The following FBLN1 variants were observed in gnomAD, a reference collection of about 807,000 sequenced individuals.
FBLN1 encodes the protein fibulin 1, also known as fibulin-1.
In FBLN1, 34 loss-of-function variants were observed where a neutral mutation model predicts 89.7. That is an observed-to-expected ratio of 0.38 (90% confidence interval 0.29 to 0.50). The LOEUF (loss-of-function observed/expected upper bound fraction) is 0.50. Among genes scored for constraint, FBLN1 ranks in the 20% least tolerant of loss-of-function variants. FBLN1 has a pLI of 0.92. For missense variants in FBLN1, 777 were observed against 988.1 expected, an observed-to-expected ratio of 0.79 and a Z score of 2.86; for synonymous variants, 393 against 391.3, an observed-to-expected ratio of 1.00 and a Z score of -0.05.
chr22:45,507,550 C>T (rs551329937), intron 1 of FBLN1, among the ~76,000 whole-genome samples: 5 of 152,140 alleles, frequency 3.3e-5, no homozygotes, highest in South Asian at 4.1e-4. Context: ...ATTTTTGAGA[C>T]GGGGTCTCAC....
At chr22:45,506,224 C>A (rs1242485542) in intron 1 of FBLN1, among the ~76,000 whole-genome samples, 4 of 152,146 alleles carry the variant, frequency 2.6e-5, no homozygotes, top group Admixed American at 2.6e-4. Flanking sequence ...CGCAATTCTG[C>A]CAATACCCCA....
chr22:45,525,393 A>G, intron 2 of FBLN1, 150 bp from the exon 3 acceptor site: 2 of 721,196 alleles, frequency 2.8e-6, no homozygotes, highest in Non-Finnish European at 4.6e-6. Flanking sequence ...CTCCTTCTGT[A>G]TGCCACTGGG....
At chr22:45,521,261 C>A (rs1051788954) in intron 2 of FBLN1, among the ~76,000 whole-genome samples, 1 of 152,184 alleles carries the variant, frequency 6.6e-6, no homozygotes, top group Non-Finnish European at 1.5e-5. Context: ...TCTTTAAGTG[C>A]GGGTGCAAGT....
intron 2 of FBLN1, chr22:45,523,173 G>A (rs760336138): frequency 3.9e-6 from 3 of 778,704 alleles, no homozygotes; most frequent in Admixed American, 3.4e-5. Flanking sequence ...CCAGGCCGAG[G>A]GAACAGCCAG....
At chr22:45,564,976 C>T (rs764953427) in intron 14 of FBLN1, 2 of 1,613,940 alleles carry the variant, frequency 1.2e-6, no homozygotes, top group Non-Finnish European at 1.7e-6. Context: ...TTGGAGGATA[C>T]CCACCTTGAT....
intron 1 of FBLN1, among the ~76,000 whole-genome samples, chr22:45,504,428 A>G (rs1010304792): frequency 2.0e-5 from 3 of 152,064 alleles, no homozygotes; most frequent in Non-Finnish European, 4.4e-5. Flanking sequence ...GGCTCTTTAG[A>G]AGAGATGGAG....
intron 16 of FBLN1, among the ~76,000 whole-genome samples, chr22:45,595,016 C>A (rs2089172791): frequency 1.3e-5 from 2 of 152,290 alleles, no homozygotes; most frequent in Non-Finnish European, 2.9e-5. Context: ...ACCAGCTGAA[C>A]TGTTAAGGTC....
chr22:45,600,341 A>T lies in FBLN1; in HGVS notation c.2007A>T (p.Pro669=), dbSNP rs1920924901. Residue 669 remains proline (P), a synonymous_variant, in exon 17 of 17, where the codon CCA becomes CCT. Coordinates refer to ENST00000327858, the MANE Select transcript of FBLN1 (RefSeq NM_006486.3). ...GCCAGGTGCGGCCCATCGTGGGCCC[A>T]TTTCATGCCGTCCTGAAGCTGGAGA... The part of the protein sequence containing the change: ...VVRQVRPIVG[P]FHAVLKLEMN... The T allele has an allele frequency of 1.2e-6, 2 of 1,614,000 alleles. No homozygotes were observed. The highest frequency in any genetic ancestry group is 1.3e-5 in the African/African-American group (1 of 74,896).
chr22:45,598,350 G>A (rs1238381663), intron 16 of FBLN1, among the ~76,000 whole-genome samples: 2 of 152,222 alleles, frequency 1.3e-5, no homozygotes, highest in African/African-American at 4.8e-5. Context: ...AGAGCCACCT[G>A]TTAGATAGTT....
Position 45,536,228 on chromosome 22 carries a change from A to G in FBLN1, c.922+891A>G, listed in dbSNP as rs2088480723. Reference sequence around the variant, plus strand: ...ACAGTCTGTGTTAGTATTTGAATTCATAGAGACAGAAAGTAGAATGGAAGG... The same window carrying G: ...ACAGTCTGTGTTAGTATTTGAATTCGTAGAGACAGAAAGTAGAATGGAAGG... On this transcript the variant is annotated intron_variant, in intron 8 of 16. Coordinates refer to ENST00000327858, the MANE Select transcript of FBLN1 (RefSeq NM_006486.3). This position sits in a 1 kb window ranked among gnomAD's most constrained non-coding sequence, Gnocchi z 5.1. 5.3e-5 allele frequency among the ~76,000 whole-genome samples: 8 copies of G among 152,058 alleles called. No individual in the cohort carries two copies. Among genetic ancestry groups the G allele is most frequent in the Admixed American group, 3.9e-4 (6 of 15,276 alleles).
chr22:45,565,431 C>A, intron 14 of FBLN1: 1 of 464,622 alleles, frequency 2.2e-6, no homozygotes, highest in Non-Finnish European at 3.6e-6. Flanking sequence ...TAGCATGTGC[C>A]ATGCTGTCCC....
intron 1 of FBLN1, among the ~76,000 whole-genome samples, chr22:45,514,518 C>G (rs901710355): frequency 2.0e-5 from 3 of 152,222 alleles, no homozygotes; most frequent in African/African-American, 4.8e-5. Context: ...TGCCGAAATT[C>G]TAACCAGCCC....
rs760570023 is a variant in FBLN1, at chr22:45,533,800, T to G, written c.686T>G (p.Leu229Arg). 1.2e-6 allele frequency: 2 copies of G among 1,613,670 alleles called. No individual in the cohort carries two copies. The highest frequency in any genetic ancestry group is 2.2e-5 in the South Asian group (2 of 91,080). The change falls in exon 7 of 17, where the codon CTT becomes CGT. Residue 229 changes from leucine to arginine, a missense_variant. Leu to Arg is a moderately radical substitution (Grantham distance 102). Coordinates refer to ENST00000327858, the MANE Select transcript of FBLN1 (RefSeq NM_006486.3). ...ECITGSHSCR[L>R]GESCINTVGS... ...ATCACGGGCAGCCACAGCTGCCGGC[T>G]TGGAGAATCCTGCATCAACACAGTG... is the stretch of plus-strand genomic sequence containing the variant.
At chr22:45,591,800 G>A (rs1190802652) in intron 16 of FBLN1, among the ~76,000 whole-genome samples, 2 of 92,062 alleles carry the variant, frequency 2.2e-5, no homozygotes, top group Non-Finnish European at 3.9e-5. Flanking sequence ...CCATTTTGCA[G>A]ACAGGAGGGA....
In FBLN1 at chr22:45,562,807, C is replaced by T. The variant is rs1183374343; in HGVS notation, c.1698-11704C>T. 1.1e-5 allele frequency: 12 copies of T among 1,124,956 alleles called. No homozygotes were observed. Among genetic ancestry groups the T allele is most frequent in the East Asian group, 2.3e-5 (1 of 42,748 alleles). The allele number at this position is 1,124,956 out of a possible 1,614,324, so 69.7% of individuals were successfully genotyped here. On this transcript the variant is annotated intron_variant, in intron 14 of 16. Transcript: ENST00000327858. This position sits in a 1 kb window ranked among gnomAD's most constrained non-coding sequence, Gnocchi z 7.8. Reference sequence around the variant, plus strand: ...TTGGCTGAATCGGCCAGAGGGGCGGCGGGAGGCCCCGCCTGCCAGCCCCGC... The same window carrying T: ...TTGGCTGAATCGGCCAGAGGGGCGGTGGGAGGCCCCGCCTGCCAGCCCCGC...
chr22:45,558,445 A>G (rs2088815680), intron 14 of FBLN1: 1 of 169,590 alleles, frequency 5.9e-6, no homozygotes, highest in Non-Finnish European at 1.3e-5. Flanking sequence ...CCGAAAGCCT[A>G]GAGACCGCCA....
intron 14 of FBLN1, among the ~76,000 whole-genome samples, chr22:45,554,520 A>C (rs2088752961): frequency 1.3e-5 from 2 of 152,254 alleles, no homozygotes; most frequent in African/African-American, 4.8e-5. Flanking sequence ...ATCACTAGCC[A>C]AGTAAATGCA....
rs1479984086 is a variant in FBLN1 at position 45,550,455 on chromosome 22, C to T, written c.1574-37C>T. The T allele has an allele frequency of 6.2e-7, 1 of 1,613,438 alleles. No homozygotes were observed. Among genetic ancestry groups the T allele is most frequent in the Non-Finnish European group, 8.5e-7 (1 of 1,179,878 alleles). On this transcript the variant is annotated intron_variant, in intron 13 of 16. Transcript: ENST00000327858. This position sits in a 1 kb window ranked among gnomAD's most constrained non-coding sequence, Gnocchi z 8.4. ...TCCAGATGGGTATGGCTCCTGCAGC[C>T]TCTGCCTTCACTGTGCTGCTGTGGG...
At chr22:45,565,952 C>T (rs150794483) in intron 14 of FBLN1, 69 of 154,236 alleles carry the variant, frequency 4.5e-4, no homozygotes, top group African/African-American at 1.6e-3. Context: ...ATCCCAGCTA[C>T]TCAGGAGGCT....
Sources: allele counts gnomAD v4.1 joint callset (sites outside exome capture counted in the v4.1 genomes callset), GRCh38; gene constraint gnomAD v4.1.1; non-coding constraint Gnocchi (gnomAD v3.1); transcripts MANE v1.5; gene names NCBI Gene and HGNC (gene_info 2026-07-23, HGNC 2026-07-21).